SLC12A6: variants seen among roughly 807,000 people sequenced by gnomAD.
SLC12A6 encodes the protein K-Cl cotransporter 3.
In SLC12A6, 66 loss-of-function variants were observed where a neutral mutation model predicts 135.3. The observed-to-expected ratio is 0.49, with a 90% CI of 0.40 to 0.60. SLC12A6 has a LOEUF of 0.60. Ranked by LOEUF, SLC12A6 falls within the 20% of genes least tolerant of loss-of-function variation. SLC12A6 has a pLI of 0.00. For missense variants in SLC12A6, 1,058 were observed against 1,452.3 expected (o/e 0.73, Z 4.41); for synonymous variants, 513 against 508.8 (o/e 1.01, Z -0.11).
At chr15:34,312,227 A>T (rs112086669) in intron 2 of SLC12A6, among the ~76,000 whole-genome samples, 1,815 of 152,342 alleles carry the variant, frequency 0.012, 15 homozygotes, top group Middle Eastern at 0.037. Flanking sequence ...TTTAAAGTGA[A>T]GTCTCTGACT....
At chr15:34,331,410 A>G (rs971924168) in intron 2 of SLC12A6, among the ~76,000 whole-genome samples, 3 of 152,146 alleles carry the variant, frequency 2.0e-5, no homozygotes, top group Non-Finnish European at 4.4e-5. Flanking sequence ...CAAAGTGCTG[A>G]GATTACAGGC....
chr15:34,288,340 A>G (rs1176561766), intron 2 of SLC12A6, among the ~76,000 whole-genome samples: 1 of 152,122 alleles, frequency 6.6e-6, no homozygotes, highest in Non-Finnish European at 1.5e-5. Flanking sequence ...CCATTGGTCT[A>G]TATATCTGTT....
intron 2 of SLC12A6, among the ~76,000 whole-genome samples, chr15:34,323,475 T>C (rs1208177215): frequency 6.6e-6 from 1 of 152,156 alleles, no homozygotes; most frequent in East Asian, 1.9e-4. Flanking sequence ...GCCAACCCTA[T>C]TGTGAACAGC....
At chr15:34,327,613 G>A (rs1005277400) in intron 2 of SLC12A6, among the ~76,000 whole-genome samples, 1 of 151,438 alleles carries the variant, frequency 6.6e-6, no homozygotes, top group Non-Finnish European at 1.5e-5. Flanking sequence ...AGCCGAGACC[G>A]CATCACTGCA....
chr15:34,271,713 G>C (rs76343930), intron 3 of SLC12A6, among the ~76,000 whole-genome samples: 1 of 151,960 alleles, frequency 6.6e-6, no homozygotes, highest in African/African-American at 2.4e-5. Context: ...GCCTGACCCT[G>C]AGTTTTGCAA....
intron 3 of SLC12A6, among the ~76,000 whole-genome samples, chr15:34,270,984 T>C (rs1358753675): frequency 1.3e-5 from 2 of 152,082 alleles, no homozygotes; most frequent in Admixed American, 1.3e-4. Context: ...AAATGCGTGA[T>C]GCTTATAAAA....
At position 34,238,990 on chromosome 15, in the gene SLC12A6, A is replaced by G; in HGVS notation, c.2607T>C (p.Asp869=). The change falls in exon 20 of 26, where the codon GAT becomes GAC. Residue 869 remains aspartate (D), a synonymous_variant. Transcript: ENST00000354181. ...CAATAAAAGTCTTCCAAGCGCGGGC[A>G]TCTTCGCTTTGACGCCAGCCATTAG... ...GWPNGWRQSE[D]ARAWKTFIGT... is the part of the protein sequence containing the mutation. The G allele has an allele frequency of 1.2e-6, 2 of 1,614,176 alleles. No individual in the cohort carries two copies. The highest frequency in any genetic ancestry group is 2.2e-5 in the East Asian group (1 of 44,874).
At position 34,229,846 on chromosome 15, in the gene SLC12A6, A is replaced by T; in HGVS notation, c.*4035T>A. The T allele has an allele frequency of 6.4e-7, 1 of 1,554,238 alleles. No homozygotes were observed. Among genetic ancestry groups the T allele is most frequent in the Non-Finnish European group, 8.9e-7 (1 of 1,125,576 alleles). On this transcript the variant is annotated 3_prime_UTR_variant, in exon 26 of 26. Transcript: ENST00000354181. The stretch of plus-strand genomic sequence containing the variant: ...TTGGGTCTTATTTACATCCTTCTTT[A>T]AGCCCAGTGGCTCCTCAGCATACTC...
intron 2 of SLC12A6, among the ~76,000 whole-genome samples, chr15:34,294,542 A>C (rs1895751898): frequency 6.6e-6 from 1 of 150,758 alleles, no homozygotes. Context: ...GTTGTGAGCC[A>C]CCACACCTGG....
intron 2 of SLC12A6, chr15:34,318,586 G>T (rs777034990): frequency 1.2e-6 from 2 of 1,613,834 alleles, no homozygotes; most frequent in Non-Finnish European, 1.7e-6. Context: ...CCTGAATCCG[G>T]GCTTTTATGT....
intron 2 of SLC12A6, among the ~76,000 whole-genome samples, chr15:34,300,128 GTT>G (rs1896141913): frequency 6.6e-6 from 1 of 152,160 alleles, no homozygotes; most frequent in Admixed American, 6.6e-5. Context: ...AATCACAAGA[GTT>G]AGGAAGCAAG....
At chr15:34,245,926 A>G (rs1891952010) in intron 13 of SLC12A6, 59 bp from the exon 14 acceptor site, 1 of 1,370,670 alleles carries the variant, frequency 7.3e-7, no homozygotes, top group South Asian at 1.2e-5. Context: ...CTGAAAGACT[A>G]GAGATATTCA....
At chr15:34,310,005 C>CTTTTTTTTT (rs879478639) in intron 2 of SLC12A6, among the ~76,000 whole-genome samples, 21 of 144,170 alleles carry the variant, frequency 1.5e-4, no homozygotes, top group African/African-American at 5.1e-4. Flanking sequence ...AAGAGATAAT[C>CTTTTTTTTT]TTTTTTTTTT....
intron 3 of SLC12A6, among the ~76,000 whole-genome samples, chr15:34,264,995 G>T (rs1893400461): frequency 6.6e-6 from 1 of 152,178 alleles, no homozygotes; most frequent in South Asian, 2.1e-4. Flanking sequence ...AGGAGATTGA[G>T]ACCATCCTGG....
chr15:34,336,838 C>A, intron 1 of SLC12A6, 86 bp from the exon 2 acceptor site: 1 of 676,076 alleles, frequency 1.5e-6, no homozygotes, highest in Non-Finnish European at 2.6e-6. Context: ...AAGAATACTT[C>A]TACTCAGAAT....
Position 34,240,751 on chromosome 15 carries a change from C to T in SLC12A6, c.2346G>A (p.Gln782=). The T allele has an allele frequency of 1.2e-6, 2 of 1,613,738 alleles. No individual in the cohort carries two copies. Among genetic ancestry groups the T allele is most frequent in the Non-Finnish European group, 1.7e-6 (2 of 1,179,650 alleles). ...TAGTGAGACCTTTTCCTGCTTTGAG[C>T]TGTGAGGCAAAGGTGAGGAGGCGAG... The part of the protein sequence containing the change: ...KHPRLLTFAS[Q]LKAGKGLTIV... The change falls in exon 19 of 26, where the codon CAG becomes CAA. Residue 782 remains glutamine (Q), a synonymous_variant. Coordinates refer to ENST00000354181, the MANE Select transcript of SLC12A6 (RefSeq NM_001365088.1).
chr15:34,272,277 A>G (rs941730326), intron 3 of SLC12A6, among the ~76,000 whole-genome samples: 4 of 152,122 alleles, frequency 2.6e-5, no homozygotes, highest in African/African-American at 9.7e-5. Flanking sequence ...TGGTTGGAAG[A>G]TTTTCATTCA....
At chr15:34,335,298 T>C (rs1286958566) in intron 2 of SLC12A6, among the ~76,000 whole-genome samples, 4 of 152,190 alleles carry the variant, frequency 2.6e-5, no homozygotes, top group African/African-American at 9.7e-5. Flanking sequence ...AAATCTACCT[T>C]GTCTCCAGAT....
intron 2 of SLC12A6, among the ~76,000 whole-genome samples, chr15:34,280,536 A>T (rs1894605295): frequency 6.6e-6 from 1 of 152,216 alleles, no homozygotes. Context: ...CCAACTCAGA[A>T]TTAAACTAAG....
Sources: gnomAD v4.1 joint callset for allele counts (sites outside exome capture counted in the v4.1 genomes callset) on GRCh38, gnomAD v4.1.1 for gene constraint, MANE v1.5 for transcripts, NCBI Gene and HGNC (gene_info 2026-07-23, HGNC 2026-07-21) for gene names.